The following PPCS variants were observed in gnomAD, a reference collection of about 807,000 sequenced individuals.
The protein encoded by PPCS is phosphopantothenoylcysteine synthetase, also known as phosphopantothenate--cysteine ligase.
A neutral mutation model predicts 24.6 loss-of-function variants in PPCS; 17 were observed. The ratio of observed to expected loss-of-function variants is 0.69; its 90% CI spans 0.47 to 1.04. The LOEUF (loss-of-function observed/expected upper bound fraction) is 1.04. PPCS is among the 50% of genes least tolerant of loss of function. The pLI is 0.00. For synonymous variants in PPCS, 190 were observed against 168.3 expected (o/e 1.13, Z -1.00); for missense variants, 360 against 402.8 (o/e 0.89, Z 0.91).
chr1:42,462,729 G>A (rs181448911), downstream of PPCS, among the ~76,000 whole-genome samples: 2 of 152,136 alleles, frequency 1.3e-5, no homozygotes, highest in East Asian at 3.9e-4. Flanking sequence ...CATAGGTGGG[G>A]AAGATAACGT....
At chr1:42,458,827 A>C (rs561819747) in intron 2 of PPCS, among the ~76,000 whole-genome samples, 46 of 152,328 alleles carry the variant, frequency 3.0e-4, no homozygotes, top group African/African-American at 1.1e-3. Context: ...GTGAAAATAA[A>C]ATCAGTTTCC....
At position 42,461,158 on chromosome 1, in the gene PPCS, A is replaced by G. The variant is rs115571689; in HGVS notation, c.*1232A>G. Among the ~76,000 whole-genome samples the G allele has an allele frequency of 5.2e-3, 798 of 152,322 alleles. 5 individuals are homozygous for G. Among genetic ancestry groups the G allele is most frequent in the African/African-American group, 0.018 (747 of 41,584 alleles). ...CTTAAAATACAATTCATGGTGTTTC[A>G]TGGAGTAGGGAAGGGTAGCCCCTGT... On this transcript the variant is annotated 3_prime_UTR_variant, in exon 3 of 3. Coordinates refer to ENST00000372561, the MANE Select transcript of PPCS (RefSeq NM_024664.4).
At position 42,457,347 on chromosome 1, in the gene PPCS, G is replaced by T. The variant is rs745632630; in HGVS notation, c.609G>T (p.Leu203=). ...AGATCCAGTCATCTGGGGGCCCACT[G>T]CAGGTGATGGGCGCTTCTCTTCCAG... ...EHKIQSSGGP[L]QITMKMVPKL... The change falls in exon 2 of 3, where the codon CTG becomes CTT. Residue 203 remains leucine (L), a synonymous_variant. Coordinates refer to ENST00000372561, the MANE Select transcript of PPCS (RefSeq NM_024664.4). 22 of 1,612,192 alleles carry T rather than the reference G, an allele frequency of 1.4e-5. No homozygotes were observed. The South Asian group carries it at 2.4e-4, about 18-fold the overall frequency.
At chr1:42,464,423 G>A (rs1320610352), downstream of PPCS, among the ~76,000 whole-genome samples, 2 of 152,214 alleles carry the variant, frequency 1.3e-5, no homozygotes, top group Admixed American at 6.5e-5. Context: ...AAGCCCATAT[G>A]AACCCAACAC....
At position 42,459,861 on chromosome 1, in the gene PPCS, A is replaced by G. The variant is rs1047645204; in HGVS notation, c.871A>G (p.Ile291Val). Residue 291 changes from isoleucine (I) to valine (V), a missense_variant, in exon 3 of 3, where the codon ATA becomes GTA. By Grantham distance (29) the Ile-to-Val change is conservative (BLOSUM62 3). Around this residue, in one of 2 missense-constraint regions of PPCS, gnomAD observed 116 missense variants for 168.1 expected, o/e 0.69. Transcript: ENST00000372561. Reference protein sequence around the residue: ...SEEEIEKGVEIEEKIVDNLQS... With the variant: ...SEEEIEKGVEVEEKIVDNLQS... Reference sequence around the variant, plus strand: ...GGAAGAAATAGAAAAAGGCGTAGAGATAGAAGAGAAGATAGTGGATAATCT... The same window carrying G: ...GGAAGAAATAGAAAAAGGCGTAGAGGTAGAAGAGAAGATAGTGGATAATCT... 2 of 1,614,088 alleles carry G rather than the reference A, an allele frequency of 1.2e-6. No homozygotes were observed. Among genetic ancestry groups the G allele is most frequent in the Non-Finnish European group, 1.7e-6 (2 of 1,180,034 alleles).
At chr1:42,457,723 A>T (rs904699024) in intron 2 of PPCS, among the ~76,000 whole-genome samples, 1 of 151,852 alleles carries the variant, frequency 6.6e-6, no homozygotes, top group Non-Finnish European at 1.5e-5. Flanking sequence ...GAGGCCAAGG[A>T]GGGCAGATCG....
At chr1:42,471,060 A>G (rs549591648) in intron 2 of PPCS, among the ~76,000 whole-genome samples, 2 of 152,340 alleles carry the variant, frequency 1.3e-5, no homozygotes, top group Non-Finnish European at 2.9e-5. Flanking sequence ...ACATTAGCTC[A>G]GGCTGTTGAT....
chr1:42,464,035 T>C (rs1010331564), downstream of PPCS: 7 of 152,292 alleles, frequency 4.6e-5, no homozygotes, highest in Admixed American at 2.6e-4. Flanking sequence ...GAATGTCCAT[T>C]TGTCTGCACC....
intron 2 of PPCS, among the ~76,000 whole-genome samples, chr1:42,467,393 G>A (rs1266622279): frequency 6.6e-6 from 1 of 152,214 alleles, no homozygotes; most frequent in Non-Finnish European, 1.5e-5. Context: ...CCTAGACATG[G>A]AGAGGATGAA....
chr1:42,462,575 A>G (rs549363555), downstream of PPCS, among the ~76,000 whole-genome samples: 4 of 152,348 alleles, frequency 2.6e-5, no homozygotes, highest in South Asian at 8.3e-4. Context: ...TGTGTTTGGG[A>G]TACCAGCAAA....
chr1:42,461,472 A>G (rs1252060254), downstream of PPCS, among the ~76,000 whole-genome samples: 2 of 152,070 alleles, frequency 1.3e-5, no homozygotes, highest in African/African-American at 4.8e-5. Context: ...AGCAGCTGAG[A>G]CTACAGGTGT....
At chr1:42,457,955 CA>C (rs547006454) in intron 2 of PPCS, among the ~76,000 whole-genome samples, 65 of 101,056 alleles carry the variant, frequency 6.4e-4, no homozygotes, top group South Asian at 3.0e-3. Context: ...TACTCCGTCG[CA>C]AAAAAAAAAA....
chr1:42,470,361 G>C (rs1406943408), intron 2 of PPCS, among the ~76,000 whole-genome samples: 1 of 151,980 alleles, frequency 6.6e-6, no homozygotes. Flanking sequence ...TGCATTGCTG[G>C]TAGGAACGTA....
intron 2 of PPCS, among the ~76,000 whole-genome samples, chr1:42,458,587 T>C (rs559188204): frequency 1.3e-5 from 2 of 152,370 alleles, no homozygotes; most frequent in South Asian, 4.1e-4. Flanking sequence ...TTAGTAGTGA[T>C]AAATGCTAAG....
chr1:42,461,837 G>A (rs891959822), downstream of PPCS, among the ~76,000 whole-genome samples: 4 of 151,958 alleles, frequency 2.6e-5, no homozygotes, highest in African/African-American at 2.4e-5. Flanking sequence ...GAGCCACCGC[G>A]CCCAGCCACC....
intron 2 of PPCS, among the ~76,000 whole-genome samples, chr1:42,471,825 T>G (rs2148441944): frequency 6.6e-6 from 1 of 152,212 alleles, no homozygotes; most frequent in African/African-American, 2.4e-5. Context: ...ACTGTTGATG[T>G]GGAAATGGTA....
chr1:42,456,831 C>T lies in PPCS; in HGVS notation c.266C>T (p.Ala89Val), dbSNP rs1258547334. 2 of 1,613,386 alleles carry T rather than the reference C, an allele frequency of 1.2e-6. No individual in the cohort carries two copies. The highest frequency in any genetic ancestry group is 2.7e-5 in the African/African-American group (2 of 74,956). The change falls in exon 1 of 3, where the codon GCC (alanine) becomes GTC (valine). Residue 89 changes from alanine (A) to valine (V), a missense_variant. Physicochemically the swap from Ala to Val is moderately conservative, Grantham distance 64. This residue lies in a region of PPCS where 244 missense variants were observed against 234.7 expected (regional missense o/e 1.04). Coordinates refer to ENST00000372561, the MANE Select transcript of PPCS (RefSeq NM_024664.4). ...CTGTTCTTGTATCGCGCTCGCTCTG[C>T]CTTCCCCTATGCCCACCGCTTCCCA... ...GVLFLYRARS[A>V]FPYAHRFPPQ...
At chr1:42,468,295 A>G (rs1643656792) in intron 2 of PPCS, among the ~76,000 whole-genome samples, 1 of 152,254 alleles carries the variant, frequency 6.6e-6, no homozygotes. Context: ...CTCTCCTGAT[A>G]TTATAGCATC....
At chr1:42,459,394 C>T in intron 2 of PPCS, 1 of 575,306 alleles carries the variant, frequency 1.7e-6, no homozygotes, top group Non-Finnish European at 3.1e-6. Context: ...GAACTGGGCT[C>T]AAGCGATCCA....
Sources: gnomAD v4.1 joint callset for allele counts (sites outside exome capture counted in the v4.1 genomes callset) on GRCh38, gnomAD v4.1.1 for gene constraint, gnomAD v4.1.1 regional missense constraint, MANE v1.5 for transcripts, NCBI Gene and HGNC (gene_info 2026-07-23, HGNC 2026-07-21) for gene names.